Variants in ASCC1 observed in about 807,000 individuals in gnomAD.
The protein encoded by ASCC1 is ASC-1 complex subunit P50.
ASCC1 carries 35 observed loss-of-function variants against 46.6 expected under a neutral mutation model. The ratio of observed to expected loss-of-function variants is 0.75; its 90% CI spans 0.57 to 0.99. The LOEUF is 0.99. Ranked by LOEUF, ASCC1 falls within the 50% of genes least tolerant of loss-of-function variation. ASCC1 has a pLI of 0.00. For synonymous variants in ASCC1, 143 were observed against 146.6 expected (o/e 0.98, Z 0.18); for missense variants, 376 against 428.7 (o/e 0.88, Z 1.09).
intron 5 of ASCC1, among the ~76,000 whole-genome samples, chr10:72,174,487 C>T (rs1258805315): frequency 6.6e-6 from 1 of 152,052 alleles, no homozygotes; most frequent in Non-Finnish European, 1.5e-5. Context: ...GTGCAACTGC[C>T]AGAGCTGTCA....
chr10:72,114,397 A>G (rs1011621297), intron 9 of ASCC1, among the ~76,000 whole-genome samples: 1 of 152,142 alleles, frequency 6.6e-6, no homozygotes, highest in Non-Finnish European at 1.5e-5. Context: ...AGGCCGAGGC[A>G]GGCGGATCAC....
chr10:72,198,535 A>T (rs1855989472), intron 4 of ASCC1: 1 of 455,534 alleles, frequency 2.2e-6, no homozygotes, highest in African/African-American at 2.0e-5. Context: ...AATTTACTGA[A>T]ACTCTGTCTC....
chr10:72,199,561 G>T (rs1856185033), intron 4 of ASCC1, among the ~76,000 whole-genome samples: 1 of 152,094 alleles, frequency 6.6e-6, no homozygotes, highest in Non-Finnish European at 1.5e-5. Flanking sequence ...CTCCCAAAGT[G>T]CTGGGATTAC....
chr10:72,158,727 A>G (rs1410118040), intron 6 of ASCC1, among the ~76,000 whole-genome samples: 2 of 152,344 alleles, frequency 1.3e-5, no homozygotes, highest in East Asian at 1.9e-4. Context: ...CAATACTCCC[A>G]TTTTAAAAAC....
At chr10:72,122,475 A>G (rs913652211) in intron 9 of ASCC1, among the ~76,000 whole-genome samples, 1 of 151,146 alleles carries the variant, frequency 6.6e-6, no homozygotes, top group Non-Finnish European at 1.5e-5. Flanking sequence ...CTAACCAACA[A>G]AAAGACCTTA....
chr10:72,102,413 C>A, intron 9 of ASCC1: 1 of 1,549,668 alleles, frequency 6.5e-7, no homozygotes, highest in South Asian at 1.2e-5. Context: ...TCAGAGACAC[C>A]TGTAGCACAG....
At chr10:72,098,067 G>A (rs1424191889) in intron 9 of ASCC1, among the ~76,000 whole-genome samples, 1 of 152,178 alleles carries the variant, frequency 6.6e-6, no homozygotes, top group East Asian at 1.9e-4. Context: ...ACCTTTATTA[G>A]ACTTGGATTC....
rs187607771 is a variant in ASCC1 at position 72,137,424 on chromosome 10, A to C, written c.747-4243T>G. On this transcript the variant is annotated intron_variant, in intron 7 of 9. Transcript: ENST00000672957. ...ATGCCTATAATCCCAGCTCCTTGGG[A>C]GGATGAGGCAGGAGAATAGCTTGAA... Among the ~76,000 whole-genome samples the C allele has an allele frequency of 2.5e-3, 379 of 148,764 alleles. 3 individuals carry two copies. The highest frequency in any genetic ancestry group is 8.3e-3 in the African/African-American group (338 of 40,600).
chr10:72,190,608 T>C lies in ASCC1; in HGVS notation c.489+6203A>G. The C allele has an allele frequency of 2.8e-6, 3 of 1,053,994 alleles. No individual in the cohort carries two copies. In the South Asian group the frequency reaches 4.7e-5, roughly 16 times the overall value. The allele number at this position is 1,053,994 out of a possible 1,614,324, so 65.3% of individuals were successfully genotyped here. On this transcript the variant is annotated intron_variant, in intron 5 of 9. Transcript: ENST00000672957. ...TAAAGTTTGTAAAATTCATACCTAA[T>C]AAACAATTTAAGACAGTCATGTGTG...
At chr10:72,149,307 G>A (rs948711649) in intron 7 of ASCC1, among the ~76,000 whole-genome samples, 3 of 151,546 alleles carry the variant, frequency 2.0e-5, no homozygotes, top group African/African-American at 7.3e-5. Context: ...GCGTGGTGGC[G>A]GGTGCCTGTA....
chr10:72,201,275 A>G (rs917349552), intron 4 of ASCC1, among the ~76,000 whole-genome samples: 2 of 152,304 alleles, frequency 1.3e-5, no homozygotes, highest in Admixed American at 1.3e-4. Flanking sequence ...AATCTCCCAC[A>G]GTGCTGGAAG....
intron 5 of ASCC1, among the ~76,000 whole-genome samples, chr10:72,191,730 T>G (rs1486024241): frequency 6.6e-6 from 1 of 151,978 alleles, no homozygotes; most frequent in East Asian, 1.9e-4. Context: ...CACTGCAACC[T>G]CCGCCTCCCA....
At chr10:72,161,488 G>A (rs1259427394) in intron 6 of ASCC1, 50 bp downstream of exon 6, 1 of 1,613,446 alleles carries the variant, frequency 6.2e-7, no homozygotes, top group African/African-American at 1.3e-5. Flanking sequence ...ATACCAAAAA[G>A]AAGCCAGCCC....
At chr10:72,135,197 T>A (rs1846040704) in intron 7 of ASCC1, among the ~76,000 whole-genome samples, 1 of 152,142 alleles carries the variant, frequency 6.6e-6, no homozygotes, top group South Asian at 2.1e-4. Context: ...GGATGGTGTG[T>A]TCACAGGTGA....
chr10:72,121,550 T>C (rs993248612), intron 9 of ASCC1, among the ~76,000 whole-genome samples: 6 of 146,236 alleles, frequency 4.1e-5, no homozygotes, highest in Non-Finnish European at 8.9e-5. Flanking sequence ...AATAAAGGGA[T>C]GAAGAAAGAT....
At position 72,213,281 on chromosome 10, in the gene ASCC1, T is replaced by C. The variant is rs1374438992; in HGVS notation, c.18A>G (p.Pro6=). Residue 6 remains proline (P), a synonymous_variant, in exon 2 of 10, where the codon CCA becomes CCG. Transcript: ENST00000672957. ...TCCGGCCATCAATTCTTATAAGCTG[T>C]GGACGCAGAACTTCCATGACACTTT... MEVLR[P]QLIRIDGRNY... is the part of the protein sequence containing the mutation. 1 of 1,613,532 alleles carries C rather than the reference T, an allele frequency of 6.2e-7. No homozygotes were observed. Among genetic ancestry groups the C allele is most frequent in the Admixed American group, 1.7e-5 (1 of 60,014 alleles).
At chr10:72,207,080 A>G (rs1425966983) in intron 3 of ASCC1, among the ~76,000 whole-genome samples, 1 of 152,176 alleles carries the variant, frequency 6.6e-6, no homozygotes, top group Non-Finnish European at 1.5e-5. Flanking sequence ...AGTTAAAAGT[A>G]TAACTGGACA....
chr10:72,175,112 G>A (rs79865366), intron 5 of ASCC1, among the ~76,000 whole-genome samples: 124 of 152,316 alleles, frequency 8.1e-4, no homozygotes, highest in African/African-American at 2.8e-3. Context: ...AAGGCAAAGT[G>A]ATGAAAAGAG....
chr10:72,190,041 C>T, intron 5 of ASCC1: 2 of 758,980 alleles, frequency 2.6e-6, no homozygotes. Flanking sequence ...CGCCAGCTCT[C>T]TGCCCTCCAC....
Sources: allele counts gnomAD v4.1 joint callset (sites outside exome capture counted in the v4.1 genomes callset), GRCh38; gene constraint gnomAD v4.1.1; transcripts MANE v1.5; gene names NCBI Gene and HGNC (gene_info 2026-07-23, HGNC 2026-07-21).